Variants in IL1RAPL2 observed in about 807,000 individuals in gnomAD.
IL1RAPL2 encodes the protein interleukin 1 receptor accessory protein like 2, also known as X-linked interleukin-1 receptor accessory protein-like 2.
IL1RAPL2 carries 3 observed loss-of-function variants against 44.1 expected under a neutral mutation model. The ratio of observed to expected loss-of-function variants is 0.07; its 90% CI spans 0.03 to 0.18. The LOEUF (loss-of-function observed/expected upper bound fraction) is 0.18. Among genes scored for constraint, IL1RAPL2 ranks in the 10% least tolerant of loss-of-function variants. IL1RAPL2 has a pLI of 1.00. For missense variants in IL1RAPL2, 391 were observed against 496.4 expected (o/e 0.79, Z 2.02); for synonymous variants, 181 against 178.8 (o/e 1.01, Z -0.10).
At chrX:104,655,632 CT>C (rs893489267) in intron 1 of IL1RAPL2, among the ~76,000 whole-genome samples, 2 of 111,031 alleles carry the variant, frequency 1.8e-5, no homozygotes, top group Admixed American at 9.6e-5. Context: ...CTAAAATTCT[CT>C]TTTTTTTGTT....
At chrX:104,688,965 G>T (rs28526766) in intron 2 of IL1RAPL2, among the ~76,000 whole-genome samples, 5,817 of 111,222 alleles carry the variant, frequency 0.052, 388 homozygotes, top group African/African-American at 0.18. Context: ...CCATATCTAT[G>T]GGAAGCAATC....
intron 6 of IL1RAPL2, among the ~76,000 whole-genome samples, chrX:105,586,011 A>G (rs2037125652): frequency 8.9e-6 from 1 of 112,313 alleles, no homozygotes; most frequent in Non-Finnish European, 1.9e-5. Flanking sequence ...GGATCTAATT[A>G]AACTAAAGAG....
chrX:105,442,736 G>T (rs1004773597), intron 5 of IL1RAPL2, among the ~76,000 whole-genome samples: 1 of 112,303 alleles, frequency 8.9e-6, no homozygotes, highest in East Asian at 2.8e-4. Flanking sequence ...AACTGTATTG[G>T]CATATGCCAC....
chrX:105,049,376 C>T (rs2031887698), intron 2 of IL1RAPL2, among the ~76,000 whole-genome samples: 1 of 111,491 alleles, frequency 9.0e-6, no homozygotes, highest in Admixed American at 9.5e-5. Context: ...TTCGTTTTTA[C>T]CCCTTCTTCA....
At chrX:105,206,059 A>T (rs975053472) in intron 3 of IL1RAPL2, among the ~76,000 whole-genome samples, 1 of 110,891 alleles carries the variant, frequency 9.0e-6, no homozygotes, top group African/African-American at 3.3e-5. Context: ...TGAATAAAGG[A>T]TGACTCCTGT....
intron 5 of IL1RAPL2, among the ~76,000 whole-genome samples, chrX:105,344,277 T>C (rs1051000632): frequency 1.8e-5 from 2 of 111,989 alleles, no homozygotes; most frequent in African/African-American, 6.5e-5. Flanking sequence ...GAGTAAAGTG[T>C]AATGACTTAA....
chrX:105,261,160 CA>C (rs1213173587), intron 4 of IL1RAPL2, among the ~76,000 whole-genome samples: 3 of 111,759 alleles, frequency 2.7e-5, no homozygotes, highest in Non-Finnish European at 5.6e-5. Context: ...CTGAGGGTTG[CA>C]AAGATCCGTG....
At chrX:105,027,298 C>T (rs1454003344) in intron 2 of IL1RAPL2, among the ~76,000 whole-genome samples, 1 of 111,328 alleles carries the variant, frequency 9.0e-6, no homozygotes, top group African/African-American at 3.3e-5. Flanking sequence ...CAAGTAAATG[C>T]AACCAAAGCA....
chrX:105,588,733 T>C (rs1357793746), intron 6 of IL1RAPL2, among the ~76,000 whole-genome samples: 1 of 112,291 alleles, frequency 8.9e-6, no homozygotes, highest in East Asian at 2.8e-4. Flanking sequence ...TTTTTTCTTA[T>C]GGCTGCATAA....
At chrX:105,061,103 T>C (rs977007370) in intron 2 of IL1RAPL2, among the ~76,000 whole-genome samples, 1 of 111,588 alleles carries the variant, frequency 9.0e-6, no homozygotes, top group African/African-American at 3.2e-5. Flanking sequence ...TTGCTCTTGC[T>C]TTTCTAGTTC....
At chrX:104,711,060 T>TG (rs1209309961) in intron 2 of IL1RAPL2, among the ~76,000 whole-genome samples, 5 of 111,684 alleles carry the variant, frequency 4.5e-5, no homozygotes, top group Non-Finnish European at 9.5e-5. Context: ...AACAGCTCTC[T>TG]GCGTGTTATT....
Position 105,685,755 on chromosome X carries a change from T to C in IL1RAPL2, c.773-31612T>C, listed in dbSNP as rs942324162. The stretch of plus-strand genomic sequence containing the variant: ...AACCCCAAGACACATAATTGTCAGA[T>C]TAACCAAGGTTGAAATGAGGGAAAA... On this transcript the variant is annotated intron_variant, in intron 6 of 10. Coordinates refer to ENST00000372582, the MANE Select transcript of IL1RAPL2 (RefSeq NM_017416.2). 5.4e-5 allele frequency among the ~76,000 whole-genome samples: 6 copies of C among 111,262 alleles called. No individual in the cohort carries two copies. The Admixed American group carries it at 5.7e-4, about 11-fold the overall frequency.
At chrX:105,119,528 C>T (rs976146366) in intron 2 of IL1RAPL2, among the ~76,000 whole-genome samples, 1 of 111,832 alleles carries the variant, frequency 8.9e-6, no homozygotes, top group African/African-American at 3.3e-5. Context: ...TCCAGCTCAG[C>T]TGTAGCTTTA....
At chrX:105,697,509 G>C (rs1268455892) in intron 6 of IL1RAPL2, among the ~76,000 whole-genome samples, 2 of 110,782 alleles carry the variant, frequency 1.8e-5, no homozygotes, top group Admixed American at 1.9e-4. Context: ...TACGGAGAGA[G>C]ATTGATTGAC....
intron 1 of IL1RAPL2, among the ~76,000 whole-genome samples, chrX:104,585,642 G>T (rs1267660704): frequency 2.0e-5 from 2 of 102,020 alleles, no homozygotes; most frequent in African/African-American, 7.2e-5. Flanking sequence ...TTCCCTCTAT[G>T]TGACCGTGTG....
At chrX:105,332,951 T>C (rs1268457852) in intron 5 of IL1RAPL2, among the ~76,000 whole-genome samples, 1 of 111,497 alleles carries the variant, frequency 9.0e-6, no homozygotes, top group Non-Finnish European at 1.9e-5. Flanking sequence ...CAAAGCAATC[T>C]ACAGATTCAA....
intron 6 of IL1RAPL2, among the ~76,000 whole-genome samples, chrX:105,575,678 G>T (rs2037044993): frequency 8.9e-6 from 1 of 111,957 alleles, no homozygotes; most frequent in Non-Finnish European, 1.9e-5. Flanking sequence ...TATTACCTTG[G>T]GTATATACCC....
rs750279844 is a variant in IL1RAPL2, at chrX:104,747,469, A to G, written c.82+88474A>G. 9.9e-5 allele frequency among the ~76,000 whole-genome samples: 11 copies of G among 111,653 alleles called. No homozygotes were observed. In the South Asian group the frequency reaches 3.3e-3, roughly 34 times the overall value. ...CAGGCCCTACTCTTACGGAGGTCACACTTAAATGAAGCAGACAACCACTGA... is the reference window on the plus strand; with the variant it reads ...CAGGCCCTACTCTTACGGAGGTCACGCTTAAATGAAGCAGACAACCACTGA... On this transcript the variant is annotated intron_variant, in intron 2 of 10. Coordinates refer to ENST00000372582, the MANE Select transcript of IL1RAPL2 (RefSeq NM_017416.2).
chrX:105,577,555 ATAGCT>A (rs1419554743), intron 6 of IL1RAPL2, among the ~76,000 whole-genome samples: 1 of 110,614 alleles, frequency 9.0e-6, no homozygotes, highest in Non-Finnish European at 1.9e-5. Context: ...AATTTGATTG[ATAGCT>A]TAGTTTCTTT....
Sources: gnomAD v4.1 joint callset for allele counts (sites outside exome capture counted in the v4.1 genomes callset) on GRCh38, gnomAD v4.1.1 for gene constraint, MANE v1.5 for transcripts, NCBI Gene and HGNC (gene_info 2026-07-23, HGNC 2026-07-21) for gene names.